The following HMBOX1 variants were observed in gnomAD, a reference collection of about 807,000 sequenced individuals.
HMBOX1 encodes the protein homeobox containing 1.
A neutral mutation model predicts 54.5 loss-of-function variants in HMBOX1; 14 were observed. The ratio of observed to expected loss-of-function variants is 0.26; its 90% CI spans 0.17 to 0.40. The LOEUF is 0.40. HMBOX1 is among the 10% of genes least tolerant of loss of function. The pLI is 1.00. For missense variants in HMBOX1, 332 were observed against 514.4 expected (o/e 0.65, Z 3.43); for synonymous variants, 160 against 181.0 (o/e 0.88, Z 0.93).
intron 3 of HMBOX1, among the ~76,000 whole-genome samples, chr8:28,975,298 C>T (rs750804636): frequency 2.6e-5 from 4 of 152,038 alleles, no homozygotes; most frequent in East Asian, 3.9e-4. Flanking sequence ...TATTAGCATG[C>T]GAGTAGTAGT....
intron 9 of HMBOX1, among the ~76,000 whole-genome samples, chr8:29,049,773 T>C (rs1156665266): frequency 6.6e-6 from 1 of 152,202 alleles, no homozygotes; most frequent in Non-Finnish European, 1.5e-5. Flanking sequence ...GATTTAAATT[T>C]CCATTTGGAA....
chr8:28,895,255 G>A (rs973104349), intron 1 of HMBOX1, among the ~76,000 whole-genome samples: 6 of 152,242 alleles, frequency 3.9e-5, no homozygotes, highest in Non-Finnish European at 5.9e-5. Flanking sequence ...ATTAAGTAGC[G>A]TGGAGTTGCC....
intron 4 of HMBOX1, among the ~76,000 whole-genome samples, chr8:28,999,482 T>C (rs189107812): frequency 5.9e-5 from 9 of 152,326 alleles, no homozygotes; most frequent in Non-Finnish European, 1.5e-5. Context: ...TCTTCACTTT[T>C]CTCTCTGTTT....
chr8:28,974,254 A>G (rs903371405), intron 3 of HMBOX1, among the ~76,000 whole-genome samples: 7 of 152,224 alleles, frequency 4.6e-5, no homozygotes, highest in African/African-American at 1.4e-4. Flanking sequence ...TACGATATGA[A>G]TTTAACAGAT....
At chr8:28,991,005 G>C (rs1428609447) in intron 4 of HMBOX1, among the ~76,000 whole-genome samples, 1 of 152,086 alleles carries the variant, frequency 6.6e-6, no homozygotes, top group African/African-American at 2.4e-5. Context: ...AATAACGTTG[G>C]CCTCATGAGA....
At chr8:28,991,838 T>C (rs940052730) in intron 4 of HMBOX1, among the ~76,000 whole-genome samples, 2 of 152,218 alleles carry the variant, frequency 1.3e-5, no homozygotes. Context: ...GTGGCTCTGC[T>C]TTTTACTAGC....
chr8:28,958,523 TA>T (rs1233036185), intron 1 of HMBOX1, among the ~76,000 whole-genome samples: 1 of 152,202 alleles, frequency 6.6e-6, no homozygotes, highest in Non-Finnish European at 1.5e-5. Flanking sequence ...AATAATTTTT[TA>T]AAAAAGCTTC....
intron 1 of HMBOX1, among the ~76,000 whole-genome samples, chr8:28,945,941 ATTCTTTTT>A (rs1822362055): frequency 7.0e-6 from 1 of 143,134 alleles, no homozygotes; most frequent in Admixed American, 6.9e-5. Flanking sequence ...CATAGGGCAT[ATTCTTTTT>A]TTTTTTTTTT....
At chr8:28,927,892 T>C (rs1818823618) in intron 1 of HMBOX1, among the ~76,000 whole-genome samples, 1 of 145,624 alleles carries the variant, frequency 6.9e-6, no homozygotes, top group Non-Finnish European at 1.5e-5. Flanking sequence ...ATCCCAGCAC[T>C]TTGAGAGGCT....
At chr8:29,019,821 T>C (rs987137598) in intron 6 of HMBOX1, among the ~76,000 whole-genome samples, 3 of 152,228 alleles carry the variant, frequency 2.0e-5, no homozygotes, top group Admixed American at 1.3e-4. Flanking sequence ...TTCTGATTAT[T>C]TCCCAGCTCA....
chr8:28,894,146 G>A (rs1404845595), intron 1 of HMBOX1, among the ~76,000 whole-genome samples: 1 of 151,982 alleles, frequency 6.6e-6, no homozygotes, highest in Non-Finnish European at 1.5e-5. Context: ...GCTATTCTTT[G>A]GCTAGATTTT....
At chr8:28,955,214 C>CT (rs946704839) in intron 1 of HMBOX1, among the ~76,000 whole-genome samples, 1 of 151,824 alleles carries the variant, frequency 6.6e-6, no homozygotes, top group Non-Finnish European at 1.5e-5. Flanking sequence ...AGTATAGTCT[C>CT]TTTTTTTTCT....
chr8:29,019,609 G>A (rs1041538797), intron 6 of HMBOX1, among the ~76,000 whole-genome samples: 1 of 152,086 alleles, frequency 6.6e-6, no homozygotes, highest in African/African-American at 2.4e-5. Flanking sequence ...AGGTAATAAT[G>A]TTCCAGCTGT....
intron 1 of HMBOX1, among the ~76,000 whole-genome samples, chr8:28,927,911 C>T (rs775321577): frequency 1.5e-4 from 22 of 147,976 alleles, no homozygotes; most frequent in Non-Finnish European, 2.8e-4. Context: ...CTGAGGCAGA[C>T]GGATCACAAG....
intron 1 of HMBOX1, among the ~76,000 whole-genome samples, chr8:28,896,392 T>TATACCACCTAG (rs1240275950): frequency 3.4e-5 from 5 of 148,170 alleles, no homozygotes; most frequent in Admixed American, 1.3e-4. Flanking sequence ...GTGTGTAGAT[T>TATACCACCTAG]GCATAATCAC....
At chr8:28,913,973 C>T (rs1450245205) in intron 1 of HMBOX1, among the ~76,000 whole-genome samples, 2 of 151,248 alleles carry the variant, frequency 1.3e-5, no homozygotes, top group South Asian at 2.1e-4. Context: ...CAAATTCAAG[C>T]GATTCTTCTG....
intron 3 of HMBOX1, among the ~76,000 whole-genome samples, chr8:28,976,041 T>C (rs377451354): frequency 1.3e-5 from 2 of 152,106 alleles, no homozygotes; most frequent in African/African-American, 2.4e-5. Flanking sequence ...CTTAAGAGAA[T>C]TGGACACAAT....
intron 4 of HMBOX1, among the ~76,000 whole-genome samples, chr8:29,007,944 T>C (rs181467204): frequency 1.3e-5 from 2 of 152,348 alleles, no homozygotes; most frequent in South Asian, 2.1e-4. Context: ...AGGGGCTTGC[T>C]TTTAATGAGT....
chr8:28,896,165 T>C lies in HMBOX1; in HGVS notation c.-58+5487T>C, dbSNP rs571225772. The stretch of plus-strand genomic sequence containing the variant: ...ACTGGGGATAAAAATAGTACCTACT[T>C]CATAGGATTATTGTGAGCCCTTGAA... On this transcript the variant is annotated intron_variant, in intron 1 of 9. Coordinates refer to ENST00000287701, the MANE Select transcript of HMBOX1 (RefSeq NM_001135726.3). Among the ~76,000 whole-genome samples the C allele has an allele frequency of 1.1e-3, 174 of 152,310 alleles. 1 individual carries two copies. The highest frequency in any genetic ancestry group is 4.1e-3 in the African/African-American group (169 of 41,566).
Sources: gnomAD v4.1 joint callset for allele counts (sites outside exome capture counted in the v4.1 genomes callset) on GRCh38, gnomAD v4.1.1 for gene constraint, MANE v1.5 for transcripts, NCBI Gene and HGNC (gene_info 2026-07-23, HGNC 2026-07-21) for gene names.